Variants in CFAP52 observed in about 807,000 individuals in gnomAD.
CFAP52 encodes cilia and flagella associated protein 52, also known as cilia- and flagella-associated protein 52.
CFAP52 carries 57 observed loss-of-function variants against 70.5 expected under a neutral mutation model. That is an observed-to-expected ratio of 0.81 (90% CI 0.65 to 1.01). CFAP52 has a LOEUF of 1.01. Among genes scored for constraint, CFAP52 ranks in the 50% least tolerant of loss-of-function variants. CFAP52 has a pLI of 0.00. For missense variants in CFAP52, 785 were observed against 788.5 expected, an observed-to-expected ratio of 1.00 and a Z score of 0.05; for synonymous variants, 267 against 292.5, an observed-to-expected ratio of 0.91 and a Z score of 0.89.
chr17:9,611,456 G>C (rs1909709638), intron 7 of CFAP52, among the ~76,000 whole-genome samples: 1 of 152,084 alleles, frequency 6.6e-6, no homozygotes, highest in African/African-American at 2.4e-5. Context: ...CTGGGCTCAA[G>C]TGACCCTTCT....
chr17:9,599,510 A>T (rs991405715), intron 5 of CFAP52, among the ~76,000 whole-genome samples: 1 of 152,196 alleles, frequency 6.6e-6, no homozygotes, highest in Non-Finnish European at 1.5e-5. Flanking sequence ...AACCAGATAG[A>T]CTTCAAGTGA....
chr17:9,639,213 T>C (rs1246565366), intron 12 of CFAP52: 1 of 153,602 alleles, frequency 6.5e-6, no homozygotes, highest in East Asian at 1.9e-4. Flanking sequence ...GTGGATCACC[T>C]GAGGTCAGGA....
chr17:9,597,139 A>G (rs1430752035), intron 4 of CFAP52, among the ~76,000 whole-genome samples: 1 of 152,092 alleles, frequency 6.6e-6, no homozygotes, highest in Non-Finnish European at 1.5e-5. Context: ...TACACTCCAC[A>G]GCTGCGTAAA....
intron 1 of CFAP52, among the ~76,000 whole-genome samples, chr17:9,581,465 C>T (rs1908223561): frequency 1.3e-5 from 2 of 151,196 alleles, no homozygotes; most frequent in African/African-American, 4.9e-5. Flanking sequence ...TGCAATTTGC[C>T]ATACAGTGTA....
At chr17:9,624,375 A>T (rs1226169921) in intron 8 of CFAP52, among the ~76,000 whole-genome samples, 1 of 152,084 alleles carries the variant, frequency 6.6e-6, no homozygotes, top group African/African-American at 2.4e-5. Context: ...AAATCTTTTT[A>T]AAATTATGTA....
At chr17:9,645,520 C>G (rs1911302658), downstream of CFAP52, 1 of 1,034,618 alleles carries the variant, frequency 9.7e-7, no homozygotes, top group African/African-American at 1.7e-5. This position sits in a 1 kb window ranked among gnomAD's most constrained non-coding sequence, Gnocchi z 6.8. Flanking sequence ...TCCCCGCACA[C>G]CTGGCCCGCA....
Position 9,598,283 on chromosome 17 carries a change from C to G in CFAP52, c.586C>G (p.Pro196Ala). ...GGATCTTCCAAATAGAAAAATCTGG[C>G]CAACTGAGTGCCAAACAGGACAGTT... is the stretch of plus-strand genomic sequence containing the variant. ...ELDLPNRKIWPTECQTGQLKR... is the reference protein window; with the variant it reads ...ELDLPNRKIWATECQTGQLKR... Residue 196 changes from proline to alanine, a missense_variant, in exon 5 of 14, where the codon CCA (proline) becomes GCA (alanine). Pro to Ala is a conservative substitution (Grantham distance 27). Coordinates refer to ENST00000352665, the MANE Select transcript of CFAP52 (RefSeq NM_145054.5). 1 of 1,612,886 alleles carries G rather than the reference C, an allele frequency of 6.2e-7. No homozygotes were observed. The highest frequency in any genetic ancestry group is 1.1e-5 in the South Asian group (1 of 91,016).
intron 12 of CFAP52, among the ~76,000 whole-genome samples, chr17:9,640,149 G>A (rs977348361): frequency 2.0e-5 from 3 of 151,680 alleles, no homozygotes; most frequent in Admixed American, 6.6e-5. Context: ...AACACAGCAC[G>A]TTTCCGACAT....
chr17:9,598,107 C>A, intron 4 of CFAP52, 127 bp from the exon 5 acceptor site: 2 of 666,486 alleles, frequency 3.0e-6, no homozygotes, highest in Non-Finnish European at 2.5e-6. Context: ...AAAGATCTTT[C>A]ATAGTGCACT....
At chr17:9,614,045 T>G (rs544197702) in intron 8 of CFAP52, among the ~76,000 whole-genome samples, 8 of 152,340 alleles carry the variant, frequency 5.3e-5, no homozygotes, top group Admixed American at 4.6e-4. Flanking sequence ...CCTGGTGCTT[T>G]TTTTAAGGGT....
chr17:9,598,579 T>G (rs567933232), intron 5 of CFAP52: 7 of 252,694 alleles, frequency 2.8e-5, no homozygotes, highest in Admixed American at 5.4e-5. Flanking sequence ...CTGGCCAACA[T>G]GGTGAAACCT....
chr17:9,586,045 G>A, intron 2 of CFAP52, 73 bp downstream of exon 2: 2 of 1,491,414 alleles, frequency 1.3e-6, no homozygotes, highest in East Asian at 2.3e-5. Flanking sequence ...CCCACTTCAA[G>A]TTGTTAGTTC....
intron 9 of CFAP52, among the ~76,000 whole-genome samples, chr17:9,630,426 ATT>A (rs560084144): frequency 4.3e-4 from 55 of 127,708 alleles, no homozygotes; most frequent in Admixed American, 6.2e-4. Flanking sequence ...AATTTTTGTA[ATT>A]TTTTTTTTTT....
At chr17:9,595,728 A>C (rs1176550017) in intron 4 of CFAP52, among the ~76,000 whole-genome samples, 1 of 151,980 alleles carries the variant, frequency 6.6e-6, no homozygotes, top group Admixed American at 6.6e-5. Context: ...TGAGAAAGTG[A>C]TCATTCGTAA....
At chr17:9,615,213 C>T (rs1342573371) in intron 8 of CFAP52, among the ~76,000 whole-genome samples, 1 of 152,136 alleles carries the variant, frequency 6.6e-6, no homozygotes, top group Non-Finnish European at 1.5e-5. Context: ...ACTTTATATA[C>T]CAAAGCATTA....
intron 7 of CFAP52, among the ~76,000 whole-genome samples, chr17:9,610,998 G>A (rs535774967): frequency 6.6e-5 from 10 of 152,336 alleles, no homozygotes; most frequent in Admixed American, 6.5e-4. Context: ...CTGTGGTTGA[G>A]TAAACTGAGG....
chr17:9,600,233 C>A (rs775278092), intron 6 of CFAP52, 50 bp downstream of exon 6: 3 of 1,467,762 alleles, frequency 2.0e-6, no homozygotes, highest in East Asian at 4.5e-5. Flanking sequence ...CCTTCACTGG[C>A]AGCATGTACT....
intron 7 of CFAP52, 102 bp downstream of exon 7, chr17:9,608,321 T>A: frequency 1.0e-6 from 1 of 965,144 alleles, no homozygotes; most frequent in Non-Finnish European, 1.4e-6. Context: ...GATATTTGGT[T>A]AAAAAATTTC....
At chr17:9,629,286 C>G (rs1910356158) in intron 9 of CFAP52, among the ~76,000 whole-genome samples, 1 of 152,138 alleles carries the variant, frequency 6.6e-6, no homozygotes, top group Admixed American at 6.6e-5. Flanking sequence ...GCATGTATCT[C>G]TAAAAATGTT....
Sources: allele counts gnomAD v4.1 joint callset (sites outside exome capture counted in the v4.1 genomes callset), GRCh38; gene constraint gnomAD v4.1.1; non-coding constraint Gnocchi (gnomAD v3.1); transcripts MANE v1.5; gene names NCBI Gene and HGNC (gene_info 2026-07-23, HGNC 2026-07-21).